TBX15: variants seen among roughly 807,000 people sequenced by gnomAD.
TBX15 encodes T-box transcription factor TBX15.
A neutral mutation model predicts 53.9 loss-of-function variants in TBX15; 18 were observed. That is an observed-to-expected ratio of 0.33 (90% CI 0.23 to 0.49). The LOEUF (loss-of-function observed/expected upper bound fraction) is 0.49. Ranked by LOEUF, TBX15 falls within the 20% of genes least tolerant of loss-of-function variation. The pLI, the probability that TBX15 is intolerant of heterozygous loss-of-function variation, is 0.98. For synonymous variants in TBX15, 295 were observed against 278.0 expected, an observed-to-expected ratio of 1.06 and a Z score of -0.61; for missense variants, 692 against 749.5, an observed-to-expected ratio of 0.92 and a Z score of 0.90.
At position 118,958,263 on chromosome 1, in the gene TBX15, C is replaced by T. The variant is rs142176498; in HGVS notation, c.206-26431G>A. 2.2e-4 allele frequency among the ~76,000 whole-genome samples: 34 copies of T among 152,284 alleles called. No homozygotes were observed. In the East Asian group the frequency reaches 5.4e-3, roughly 24 times the overall value. ...CAGAGAGTTTGTTCTCTCTCTCTAC[C>T]ATGTGGATGGCCATCTGTAAATCAG... On this transcript the variant is annotated intron_variant, in intron 1 of 7. Transcript: ENST00000369429.
At chr1:118,886,184 A>G (rs751973249) in intron 7 of TBX15, among the ~76,000 whole-genome samples, 6 of 152,222 alleles carry the variant, frequency 3.9e-5, no homozygotes, top group Admixed American at 1.3e-4. Context: ...AGCAGGGCTA[A>G]CCCAAAACAA....
At chr1:118,989,462 G>A (rs1393847317), upstream of TBX15, 1 of 152,108 alleles carries the variant, frequency 6.6e-6, no homozygotes, top group Admixed American at 6.5e-5. Flanking sequence ...AAAACGTCTC[G>A]GATTTCGCGG....
chr1:118,943,608 C>A (rs1656253917), intron 1 of TBX15, among the ~76,000 whole-genome samples: 1 of 152,128 alleles, frequency 6.6e-6, no homozygotes, highest in African/African-American at 2.4e-5. Flanking sequence ...CAAACTCTCA[C>A]CTTGAACAGA....
At chr1:118,961,203 C>A (rs1656861527) in intron 1 of TBX15, among the ~76,000 whole-genome samples, 3 of 152,186 alleles carry the variant, frequency 2.0e-5, no homozygotes, top group African/African-American at 7.2e-5. Flanking sequence ...TGTTCATATT[C>A]TGTCGAGACA....
chr1:118,947,568 C>T (rs970756422), intron 1 of TBX15, among the ~76,000 whole-genome samples: 2 of 152,154 alleles, frequency 1.3e-5, no homozygotes, highest in African/African-American at 4.8e-5. Flanking sequence ...CTACTGCTTA[C>T]GCAACTCAAT....
At chr1:118,953,496 A>G (rs577137917) in intron 1 of TBX15, among the ~76,000 whole-genome samples, 52 of 152,286 alleles carry the variant, frequency 3.4e-4, no homozygotes, top group African/African-American at 9.1e-4. Context: ...TAAGAATGAC[A>G]CTCAAAATTC....
chr1:118,887,185 C>T (rs760980240), intron 7 of TBX15, among the ~76,000 whole-genome samples: 2 of 152,204 alleles, frequency 1.3e-5, no homozygotes, highest in Non-Finnish European at 2.9e-5. Context: ...CGTGATGTAA[C>T]TTCCTCCTTC....
intron 7 of TBX15, among the ~76,000 whole-genome samples, chr1:118,891,826 G>A (rs796956033): frequency 1.6e-4 from 24 of 152,232 alleles, no homozygotes; most frequent in African/African-American, 5.5e-4. Flanking sequence ...ATTAAGCTTT[G>A]CCTAAAACTG....
At chr1:118,887,559 C>T (rs1653987604) in intron 7 of TBX15, among the ~76,000 whole-genome samples, 1 of 151,818 alleles carries the variant, frequency 6.6e-6, no homozygotes, top group Non-Finnish European at 1.5e-5. Flanking sequence ...CCTGTAATAC[C>T]AGCTACTTGG....
intron 1 of TBX15, among the ~76,000 whole-genome samples, chr1:118,939,097 T>C (rs778811792): frequency 2.0e-5 from 3 of 152,080 alleles, no homozygotes; most frequent in Non-Finnish European, 4.4e-5. Context: ...CTGGAGGCCA[T>C]AATCCTAAGT....
intron 1 of TBX15, among the ~76,000 whole-genome samples, chr1:118,943,982 A>G (rs1378574676): frequency 6.6e-6 from 1 of 152,018 alleles, no homozygotes; most frequent in Non-Finnish European, 1.5e-5. Context: ...ATCCCACACC[A>G]CCTTCAGAAA....
intron 1 of TBX15, among the ~76,000 whole-genome samples, chr1:118,985,244 G>T (rs1025466877): frequency 6.6e-5 from 10 of 152,250 alleles, no homozygotes; most frequent in African/African-American, 2.4e-4. Context: ...AAACAATGAG[G>T]CTCACCCGGG....
rs1443237371 is a variant in TBX15, at chr1:118,883,319, A to C, written c.*1413T>G. On this transcript the variant is annotated 3_prime_UTR_variant, in exon 8 of 8. Transcript: ENST00000369429. ...ACACCATTTAAAAATTTTAGCTTGCACCAAGCTTCACTTGCTTTCTTACCA... is the reference window on the plus strand; with the variant it reads ...ACACCATTTAAAAATTTTAGCTTGCCCCAAGCTTCACTTGCTTTCTTACCA... The C allele has an allele frequency of 6.6e-6, 1 of 152,610 alleles. No individual in the cohort carries two copies. Among genetic ancestry groups the C allele is most frequent in the African/African-American group, 2.4e-5 (1 of 41,456 alleles). The allele number at this position is 152,610 out of a possible 1,614,324, so 9.5% of individuals were successfully genotyped here.
chr1:118,961,136 G>A (rs747473233), intron 1 of TBX15, among the ~76,000 whole-genome samples: 6 of 152,138 alleles, frequency 3.9e-5, no homozygotes, highest in Non-Finnish European at 8.8e-5. Flanking sequence ...GGAATCAAGA[G>A]ACTAAAAATG....
intron 1 of TBX15, among the ~76,000 whole-genome samples, chr1:118,932,595 G>T (rs570171477): frequency 2.0e-5 from 3 of 152,164 alleles, no homozygotes; most frequent in African/African-American, 7.2e-5. Context: ...AGAGGGGAGG[G>T]GTGATCCAAA....
intron 1 of TBX15, among the ~76,000 whole-genome samples, chr1:118,953,940 T>TTATAA (rs1656600657): frequency 6.6e-6 from 1 of 152,202 alleles, no homozygotes; most frequent in African/African-American, 2.4e-5. Context: ...TTGCCTACCC[T>TTATAA]TCTAAGTTCT....
In TBX15 at chr1:118,885,120, G is replaced by T; in HGVS notation, c.1421C>A (p.Thr474Asn). The T allele has an allele frequency of 6.2e-7, 1 of 1,614,210 alleles. No individual in the cohort carries two copies. The highest frequency in any genetic ancestry group is 8.5e-7 in the Non-Finnish European group (1 of 1,180,032). Residue 474 changes from threonine (T) to asparagine (N), a missense_variant, in exon 8 of 8, where the codon ACT becomes AAT. By Grantham distance (65) the Thr-to-Asn change is moderately conservative. This residue lies in a region of TBX15 where 375 missense variants were observed against 371.6 expected (regional missense o/e 1.01). Transcript: ENST00000369429. ...AYGGQLGSFPTSQFQYVMQAG... is the reference protein window; with the variant it reads ...AYGGQLGSFPNSQFQYVMQAG... ...CTGCATGACATACTGAAACTGGGAA[G>T]TGGGAAAGGACCCCAGCTGGCCACC...
chr1:118,947,975 G>A (rs191547305), intron 1 of TBX15, among the ~76,000 whole-genome samples: 266 of 152,292 alleles, frequency 1.7e-3, no homozygotes, highest in African/African-American at 6.2e-3. Flanking sequence ...CATGATCTGT[G>A]ATTCTGCAAA....
intron 3 of TBX15, among the ~76,000 whole-genome samples, chr1:118,925,333 G>A (rs1655558641): frequency 6.6e-6 from 1 of 152,176 alleles, no homozygotes. Flanking sequence ...GCCTCTCACT[G>A]GTTAACCATT....
Sources: allele counts gnomAD v4.1 joint callset (sites outside exome capture counted in the v4.1 genomes callset), GRCh38; gene constraint gnomAD v4.1.1; regional missense constraint gnomAD v4.1.1; transcripts MANE v1.5; gene names NCBI Gene and HGNC (gene_info 2026-07-23, HGNC 2026-07-21).